Variants in RPGRIP1L observed in about 807,000 individuals in gnomAD.
The protein encoded by RPGRIP1L is protein fantom.
In RPGRIP1L, 131 loss-of-function variants were observed where a neutral mutation model predicts 160.4. That is an observed-to-expected ratio of 0.82 (90% CI 0.71 to 0.94). RPGRIP1L has a LOEUF of 0.94. RPGRIP1L is among the 40% of genes least tolerant of loss of function. The pLI, the probability that RPGRIP1L is intolerant of heterozygous loss-of-function variation, is 0.00. For missense variants in RPGRIP1L, 1,522 were observed against 1,535.8 expected (o/e 0.99, Z 0.15); for synonymous variants, 510 against 515.8 (o/e 0.99, Z 0.15).
rs397945611 is a variant in RPGRIP1L at position 53,617,073 on chromosome 16, C to CAAAAAAAAA, written c.3616+1943_3616+1951dup. 1.1e-3 allele frequency among the ~76,000 whole-genome samples: 25 copies of CAAAAAAAAA among 21,840 alleles called. 2 individuals are homozygous for CAAAAAAAAA. Among genetic ancestry groups the CAAAAAAAAA allele is most frequent in the African/African-American group, 5.1e-3 (14 of 2,750 alleles). The allele number at this position is 21,840 out of a possible 152,430, so 14.3% of individuals were successfully genotyped here. A position where few individuals can be genotyped will look rare whatever the true frequency, so the allele number is the denominator to read the frequency against. ...GGCAATAGCACCAGACCTTGCATCACAAAAAAAAAAAAAAAAAAAAAAAAA... is the reference window on the plus strand; with the variant it reads ...GGCAATAGCACCAGACCTTGCATCACAAAAAAAAAAAAAAAAAAAAAAAAAAAAAAAAAA... On this transcript the variant is annotated intron_variant, in intron 24 of 26. Transcript: ENST00000647211.
rs574845361 is a variant in RPGRIP1L at position 53,660,621 on chromosome 16, C to T, written c.1244-1743G>A. On this transcript the variant is annotated intron_variant, in intron 10 of 26. Transcript: ENST00000647211. The stretch of plus-strand genomic sequence containing the variant: ...CAGAGACATTTTACATCAAGGCTGG[C>T]GCAGTGGCTCATGCCTGTAATCCCA... Among the ~76,000 whole-genome samples, 100 of 151,922 alleles carry T rather than the reference C, an allele frequency of 6.6e-4. 1 individual carries two copies. The highest frequency in any genetic ancestry group is 2.2e-3 in the African/African-American group (92 of 41,482).
chr16:53,669,468 A>C (rs931426438), intron 9 of RPGRIP1L, among the ~76,000 whole-genome samples: 47 of 152,208 alleles, frequency 3.1e-4, no homozygotes, highest in African/African-American at 1.1e-3. Context: ...TGAAAAAAAA[A>C]AACCCTTCAA....
chr16:53,602,259 A>T, intron 26 of RPGRIP1L, 71 bp from the exon 27 acceptor site: 4 of 983,586 alleles, frequency 4.1e-6, no homozygotes, highest in Non-Finnish European at 4.9e-6. Flanking sequence ...TCGCAGACAG[A>T]AACAGTAGTT....
At chr16:53,687,021 T>C (rs1174016366) in intron 5 of RPGRIP1L, among the ~76,000 whole-genome samples, 2 of 152,158 alleles carry the variant, frequency 1.3e-5, no homozygotes, top group Non-Finnish European at 2.9e-5. Flanking sequence ...CTATCATGTC[T>C]GGCAGCATCA....
intron 26 of RPGRIP1L, 142 bp downstream of exon 26, chr16:53,605,339 C>T: frequency 1.1e-6 from 1 of 913,034 alleles, no homozygotes; most frequent in South Asian, 1.3e-5. Context: ...TTCAGCTTCA[C>T]CAAAGCGTCA....
intron 6 of RPGRIP1L, among the ~76,000 whole-genome samples, chr16:53,678,212 A>G (rs927408422): frequency 2.0e-5 from 3 of 151,934 alleles, no homozygotes; most frequent in Non-Finnish European, 4.4e-5. Flanking sequence ...TTGCTGGCCC[A>G]TCTCTAGATT....
chr16:53,636,465 C>T lies in RPGRIP1L; in HGVS notation c.3268G>A (p.Gly1090Ser), dbSNP rs1432191595. Residue 1090 changes from glycine (G) to serine (S), a missense_variant, in exon 22 of 27, where the codon GGT becomes AGT. Physicochemically the swap from Gly to Ser is moderately conservative, Grantham distance 56 (BLOSUM62 0). Coordinates refer to ENST00000647211, the MANE Select transcript of RPGRIP1L (RefSeq NM_015272.5). ...ASDSDDCIIP[G>S]PISKNIKQSL... is the part of the protein sequence containing the mutation. ...TGTTTGATATTCTTGGAGATAGGACCTGGAATAATACAGTCATCACTGTCA... is the reference window on the plus strand; with the variant it reads ...TGTTTGATATTCTTGGAGATAGGACTTGGAATAATACAGTCATCACTGTCA... 4.3e-6 allele frequency: 7 copies of T among 1,612,178 alleles called. No homozygotes were observed. The South Asian group carries it at 6.6e-5, about 15-fold the overall frequency.
intron 3 of RPGRIP1L, chr16:53,693,763 T>C (rs1347385527): frequency 1.3e-5 from 2 of 152,160 alleles, no homozygotes; most frequent in Non-Finnish European, 2.9e-5. Context: ...TACCTGGCCC[T>C]TTAATGAGTT....
chr16:53,703,769 A>ACCCTCATCCT, intron 1 of RPGRIP1L, 34 bp downstream of exon 1: 1 of 329,138 alleles, frequency 3.0e-6, no homozygotes, highest in African/African-American at 2.1e-5. Context: ...ACCTCCACCC[A>ACCCTCATCCT]CCCTCATCCT....
chr16:53,669,964 A>T (rs531771357), intron 9 of RPGRIP1L, among the ~76,000 whole-genome samples: 208 of 152,248 alleles, frequency 1.4e-3, no homozygotes, highest in Middle Eastern at 6.8e-3. Context: ...TGGAATCCCA[A>T]TTTCCTCATT....
At chr16:53,660,387 T>C (rs1287862782) in intron 10 of RPGRIP1L, among the ~76,000 whole-genome samples, 4 of 152,144 alleles carry the variant, frequency 2.6e-5, no homozygotes, top group African/African-American at 9.7e-5. Context: ...CAAAGGCATT[T>C]GCATACTGAC....
At chr16:53,658,001 T>G (rs1289774782) in intron 12 of RPGRIP1L, among the ~76,000 whole-genome samples, 1 of 152,174 alleles carries the variant, frequency 6.6e-6, no homozygotes, top group African/African-American at 2.4e-5. Flanking sequence ...AACAGAATAT[T>G]CTAGAATTAA....
At chr16:53,664,819 A>C (rs758346342) in intron 10 of RPGRIP1L, 51 bp downstream of exon 10, 2 of 1,591,552 alleles carry the variant, frequency 1.3e-6, no homozygotes, top group South Asian at 2.2e-5. Flanking sequence ...GATTCAATGA[A>C]GAAACATTAG....
At chr16:53,631,474 C>T (rs1009900817) in intron 22 of RPGRIP1L, among the ~76,000 whole-genome samples, 2 of 152,146 alleles carry the variant, frequency 1.3e-5, no homozygotes, top group Non-Finnish European at 2.9e-5. Context: ...CATGGCAATA[C>T]ATTTTGTTGT....
intron 22 of RPGRIP1L, among the ~76,000 whole-genome samples, chr16:53,625,651 G>A (rs1046220069): frequency 6.6e-6 from 1 of 152,218 alleles, no homozygotes; most frequent in South Asian, 2.1e-4. Context: ...TGTACCCAAC[G>A]GCTCATTGAG....
chr16:53,676,929 G>A (rs886689266), intron 6 of RPGRIP1L, among the ~76,000 whole-genome samples: 1 of 151,990 alleles, frequency 6.6e-6, no homozygotes, highest in African/African-American at 2.4e-5. Flanking sequence ...CACTGTACCC[G>A]GCCGCAGTAT....
rs1388027397 is a variant in RPGRIP1L, at chr16:53,605,482, A to G, written c.3834T>C (p.Asp1278=). The G allele has an allele frequency of 1.9e-6, 3 of 1,614,020 alleles. No homozygotes were observed. The highest frequency in any genetic ancestry group is 2.2e-5 in the East Asian group (1 of 44,892). The change falls in exon 26 of 27, where the codon GAT becomes GAC. Residue 1278 remains aspartate (D), a splice_region_variant and synonymous_variant. Transcript: ENST00000647211. ...EGRDLIEQNI[D]VFDARADGEG... is the part of the protein sequence containing the mutation. ...ACTGAGCAACACTTTCACCCATACCATCGATATTTTGCTCAATGAGGTCCC... is the reference window on the plus strand; with the variant it reads ...ACTGAGCAACACTTTCACCCATACCGTCGATATTTTGCTCAATGAGGTCCC...
chr16:53,669,471 C>A (rs1310430514), intron 9 of RPGRIP1L, among the ~76,000 whole-genome samples: 3 of 148,798 alleles, frequency 2.0e-5, no homozygotes, highest in Non-Finnish European at 3.0e-5. Context: ...AAAAAAAAAA[C>A]CCTTCAAATT....
chr16:53,646,353 A>C (rs117457161), intron 16 of RPGRIP1L, among the ~76,000 whole-genome samples: 2,121 of 152,274 alleles, frequency 0.014, 34 homozygotes, highest in Non-Finnish European at 0.025. Context: ...GTCCTAACTA[A>C]AATACATTCA....
Sources: allele counts gnomAD v4.1 joint callset (sites outside exome capture counted in the v4.1 genomes callset), GRCh38; gene constraint gnomAD v4.1.1; transcripts MANE v1.5; gene names NCBI Gene and HGNC (gene_info 2026-07-23, HGNC 2026-07-21).